The following RNPEPL1 variants were observed in gnomAD, a reference collection of about 807,000 sequenced individuals.
The protein encoded by RNPEPL1 is aminopeptidase RNPEPL1.
In RNPEPL1, 46 loss-of-function variants were observed where a neutral mutation model predicts 69.0. The ratio of observed to expected loss-of-function variants is 0.67; its 90% confidence interval spans 0.53 to 0.85. The LOEUF (loss-of-function observed/expected upper bound fraction) is 0.85, where lower values mean the gene tolerates loss of function less well. Ranked by LOEUF, RNPEPL1 falls within the 40% of genes least tolerant of loss-of-function variation. The pLI, the probability that RNPEPL1 is intolerant of heterozygous loss-of-function variation, is 0.00. For missense variants in RNPEPL1, 869 were observed against 992.5 expected, an observed-to-expected ratio of 0.88 and a Z score of 1.67; for synonymous variants, 525 against 454.1, an observed-to-expected ratio of 1.16 and a Z score of -1.98.
chr2:240,569,226 C>T, intron 1 of RNPEPL1, 112 bp downstream of exon 1: 2 of 1,136,630 alleles, frequency 1.8e-6, no homozygotes, highest in Non-Finnish European at 2.3e-6. Context: ...CAGGTGCCCC[C>T]CTCCCCCCAC....
chr2:240,574,914 T>C (rs3749159), intron 6 of RNPEPL1, 116 bp from the exon 7 acceptor site: 1 of 819,928 alleles, frequency 1.2e-6, no homozygotes, highest in African/African-American at 1.7e-5. Flanking sequence ...TCTGGACATG[T>C]GAGGGACAGT....
rs1285461660 is a variant in RNPEPL1, at chr2:240,573,769, C to T, written c.822-6C>T. 39 of 1,530,592 alleles carry T rather than the reference C, an allele frequency of 2.5e-5. No homozygotes were observed. Among genetic ancestry groups the T allele is most frequent in the Non-Finnish European group, 3.3e-5 (37 of 1,136,052 alleles). The allele number at this position is 1,530,592 out of a possible 1,614,324, so 94.8% of individuals were successfully genotyped here. A position where few individuals can be genotyped will look rare whatever the true frequency, so the allele number is the denominator to read the frequency against. Reference sequence around the variant, plus strand: ...GGCCTCAGCTCACCCTCTCTGCATGCACCAGGAGCCGCGTGTGGGCCGAGC... The same window carrying T: ...GGCCTCAGCTCACCCTCTCTGCATGTACCAGGAGCCGCGTGTGGGCCGAGC... On this transcript the variant is annotated splice_polypyrimidine_tract_variant and splice_region_variant and intron_variant, in intron 3 of 10. Transcript: ENST00000270357.
chr2:240,571,415 C>A (rs540008473), intron 1 of RNPEPL1, among the ~76,000 whole-genome samples: 1 of 152,314 alleles, frequency 6.6e-6, no homozygotes, highest in East Asian at 1.9e-4. Flanking sequence ...ATTCAGTTTG[C>A]CTTGACTATC....
At chr2:240,572,798 C>T (rs1158991783) in intron 2 of RNPEPL1, among the ~76,000 whole-genome samples, 1 of 152,190 alleles carries the variant, frequency 6.6e-6, no homozygotes, top group Non-Finnish European at 1.5e-5. Context: ...CGGGGTGAGT[C>T]CCCAGTGGCA....
In RNPEPL1 at chr2:240,576,957, C is replaced by T; in HGVS notation, c.1851C>T (p.Asp617=). The change falls in exon 10 of 11, where the codon GAC becomes GAT. Residue 617 remains aspartate (D), a synonymous_variant. Transcript: ENST00000270357. ...QIVVRNDYYP[D]LHRVRRFLES... ...TGGTCCGCAACGACTACTATCCTGA[C>T]CTCCACAGGGTGCGGCGCTTCCTGG... 1.2e-6 allele frequency: 2 copies of T among 1,613,412 alleles called. No homozygotes were observed. Among genetic ancestry groups the T allele is most frequent in the Non-Finnish European group, 1.7e-6 (2 of 1,179,970 alleles).
At position 240,577,817 on chromosome 2, in the gene RNPEPL1, C is replaced by T. The variant is rs146212744; in HGVS notation, c.2103C>T (p.Asp701=). The T allele has an allele frequency of 1.8e-5, 29 of 1,603,976 alleles. No homozygotes were observed. The African/African-American group carries it at 1.9e-4, about 10-fold the overall frequency. ...AGGCTGAAGCAGACACAGACTCGGA[C>T]GCACAGGCCCTGCTGCTTGGGGACG... ...LGKAEADTDS[D]AQALLLGDEA... The change falls in exon 11 of 11, where the codon GAC becomes GAT. Residue 701 remains aspartate, a synonymous_variant. Coordinates refer to ENST00000270357, the MANE Select transcript of RNPEPL1 (RefSeq NM_018226.6).
At chr2:240,574,804 C>T in intron 6 of RNPEPL1, 176 bp downstream of exon 6, 5 of 669,416 alleles carry the variant, frequency 7.5e-6, no homozygotes, top group Middle Eastern at 7.1e-4. Context: ...CTCCCACAGC[C>T]ACCGCCGCTT....
At chr2:240,574,709 G>C in intron 6 of RNPEPL1, 81 bp downstream of exon 6, 3 of 1,231,288 alleles carry the variant, frequency 2.4e-6, no homozygotes, top group Non-Finnish European at 3.5e-6. Flanking sequence ...GTGTGTTCTG[G>C]CTGTGGCTTC....
In RNPEPL1 at chr2:240,575,578, A is replaced by G; in HGVS notation, c.1478A>G (p.Glu493Gly). The change falls in exon 8 of 11, where the codon GAG becomes GGG. Residue 493 changes from glutamate to glycine, a missense_variant. Physicochemically the swap from Glu to Gly is moderately conservative, Grantham distance 98. Coordinates refer to ENST00000270357, the MANE Select transcript of RNPEPL1 (RefSeq NM_018226.6). The part of the protein sequence containing the change: ...LLDSFLSFFP[E>G]LKEQSVDCRA... ...GACTCCTTCCTGAGCTTCTTCCCGG[A>G]GCTGAAGGAGCAGAGCGTGGACTGC... The G allele has an allele frequency of 6.2e-7, 1 of 1,613,348 alleles. No homozygotes were observed. The highest frequency in any genetic ancestry group is 8.5e-7 in the Non-Finnish European group (1 of 1,179,974).
intron 4 of RNPEPL1, 110 bp from the exon 5 acceptor site, chr2:240,574,003 C>A: frequency 7.3e-7 from 1 of 1,376,798 alleles, no homozygotes; most frequent in Non-Finnish European, 1.0e-6. Flanking sequence ...GGAAGCGGAG[C>A]TCACCGCAGG....
intron 1 of RNPEPL1, among the ~76,000 whole-genome samples, chr2:240,570,163 T>G (rs2093017025): frequency 6.6e-6 from 1 of 152,250 alleles, no homozygotes; most frequent in Non-Finnish European, 1.5e-5. Context: ...GGGCTTCTCC[T>G]TGGCCTTGAT....
intron 3 of RNPEPL1, among the ~76,000 whole-genome samples, chr2:240,573,503 C>T (rs1039553190): frequency 1.6e-4 from 25 of 152,354 alleles, no homozygotes; most frequent in Middle Eastern, 3.4e-3. Flanking sequence ...TGCCAAGGCC[C>T]CCGCACAGCC....
At position 240,576,531 on chromosome 2, in the gene RNPEPL1, C is replaced by A; in HGVS notation, c.1511-4C>A. ...GGGACCCCAGGGTCACTTCTCCCCTCTAGGGCTGGAATTCGAGCGCTGGCT... is the reference window on the plus strand; with the variant it reads ...GGGACCCCAGGGTCACTTCTCCCCTATAGGGCTGGAATTCGAGCGCTGGCT... On this transcript the variant is annotated splice_polypyrimidine_tract_variant and splice_region_variant and intron_variant, in intron 8 of 10. Transcript: ENST00000270357. 6.2e-7 allele frequency: 1 copy of A among 1,608,744 alleles called. No individual in the cohort carries two copies. Among genetic ancestry groups the A allele is most frequent in the Non-Finnish European group, 8.5e-7 (1 of 1,178,038 alleles).
chr2:240,577,024 C>G (rs762107436), intron 10 of RNPEPL1, 34 bp downstream of exon 10: 16 of 1,609,554 alleles, frequency 9.9e-6, no homozygotes, highest in Non-Finnish European at 3.4e-6. Context: ...CAGCCTGGAA[C>G]GGCCTAGCCG....
chr2:240,573,260 A>G lies in RNPEPL1; in HGVS notation c.820A>G (p.Arg274Gly). The G allele has an allele frequency of 6.4e-7, 1 of 1,559,838 alleles. No individual in the cohort carries two copies. Among genetic ancestry groups the G allele is most frequent in the Non-Finnish European group, 8.7e-7 (1 of 1,152,210 alleles). Reference protein sequence around the residue: ...GDLKPADIGPRSRVWAEPCLL... With the variant: ...GDLKPADIGPGSRVWAEPCLL... Reference sequence around the variant, plus strand: ...CCTCAAGCCGGCAGACATCGGGCCCAGGTAGGGCCTCCTGCTGGGGCCTTC... The same window carrying G: ...CCTCAAGCCGGCAGACATCGGGCCCGGGTAGGGCCTCCTGCTGGGGCCTTC... Residue 274 changes from arginine to glycine, a missense_variant and splice_region_variant, in exon 3 of 11, where the codon AGG becomes GGG. This residue lies in a region of RNPEPL1 where 610 missense variants were observed against 790.9 expected (regional missense o/e 0.77). Coordinates refer to ENST00000270357, the MANE Select transcript of RNPEPL1 (RefSeq NM_018226.6).
Position 240,571,051 on chromosome 2 carries a change from A to G in RNPEPL1, c.529-1372A>G, listed in dbSNP as rs182221621. On this transcript the variant is annotated intron_variant, in intron 1 of 10. Coordinates refer to ENST00000270357, the MANE Select transcript of RNPEPL1 (RefSeq NM_018226.6). The stretch of plus-strand genomic sequence containing the variant: ...CCGTGCAGGCTGAAGGGTTGGGGAG[A>G]CTCCTGCAGGGAGGTTCCTTCATAC... Among the ~76,000 whole-genome samples, 169 of 150,854 alleles carry G rather than the reference A, an allele frequency of 1.1e-3. 1 individual carries two copies. The highest frequency in any genetic ancestry group is 2.9e-3 in the African/African-American group (117 of 40,984).
chr2:240,570,027 CT>C (rs1411096137), intron 1 of RNPEPL1, among the ~76,000 whole-genome samples: 7 of 152,248 alleles, frequency 4.6e-5, no homozygotes. Flanking sequence ...GCCACCTCAC[CT>C]TTTTCCCAGA....
In RNPEPL1 at chr2:240,576,779, G is replaced by A. The variant is rs543930350; in HGVS notation, c.1741+14G>A. 9 of 1,612,636 alleles carry A rather than the reference G, an allele frequency of 5.6e-6. No homozygotes were observed. The South Asian group carries it at 6.6e-5, about 12-fold the overall frequency. ...CGCTGCCGCAGGGTGAGTCCCTGCA[G>A]CTGATGGGGGCGGCCCAGGGGCTGG... is the stretch of plus-strand genomic sequence containing the variant. On this transcript the variant is annotated intron_variant, in intron 9 of 10. Coordinates refer to ENST00000270357, the MANE Select transcript of RNPEPL1 (RefSeq NM_018226.6).
chr2:240,570,107 C>T (rs1217944308), intron 1 of RNPEPL1, among the ~76,000 whole-genome samples: 2 of 152,250 alleles, frequency 1.3e-5, no homozygotes, highest in Admixed American at 6.5e-5. Flanking sequence ...GGGCTCTGAC[C>T]GGTGGCAAGT....
Sources: gnomAD v4.1 joint callset for allele counts (sites outside exome capture counted in the v4.1 genomes callset) on GRCh38, gnomAD v4.1.1 for gene constraint, gnomAD v4.1.1 regional missense constraint, MANE v1.5 for transcripts, NCBI Gene and HGNC (gene_info 2026-07-23, HGNC 2026-07-21) for gene names.